PRKCZ: variants seen among roughly 807,000 people sequenced by gnomAD.
PRKCZ encodes protein kinase C zeta.
Under a neutral mutation model 79.5 loss-of-function variants are expected in PRKCZ, and 33 were observed. The observed-to-expected ratio is 0.41, with a 90% CI of 0.31 to 0.55. The LOEUF (loss-of-function observed/expected upper bound fraction) is 0.55. Among genes scored for constraint, PRKCZ ranks in the 20% least tolerant of loss-of-function variants. The pLI, the probability that PRKCZ is intolerant of heterozygous loss-of-function variation, is 0.19. For synonymous variants in PRKCZ, 342 were observed against 320.9 expected, an observed-to-expected ratio of 1.07 and a Z score of -0.70; for missense variants, 578 against 813.5, an observed-to-expected ratio of 0.71 and a Z score of 3.52.
At position 2,173,106 on chromosome 1, in the gene PRKCZ, C is replaced by T. The variant is rs1312055415; in HGVS notation, c.1285+718C>T. Among the ~76,000 whole-genome samples the T allele has an allele frequency of 1.3e-5, 2 of 152,200 alleles. No individual in the cohort carries two copies. Among genetic ancestry groups the T allele is most frequent in the Non-Finnish European group, 2.9e-5 (2 of 68,036 alleles). ...GTGTTTGTACACACTCCACCCACTT[C>T]TGCATCCTGGTGTTTTCAATGAGGC... On this transcript the variant is annotated intron_variant, in intron 13 of 17. Coordinates refer to ENST00000378567, the MANE Select transcript of PRKCZ (RefSeq NM_002744.6). This position sits in a 1 kb window ranked among gnomAD's most constrained non-coding sequence, Gnocchi z 5.7.
At chr1:2,175,022 T>C (rs902028713) in intron 15 of PRKCZ, among the ~76,000 whole-genome samples, 189 bp downstream of exon 15, 16 of 152,148 alleles carry the variant, frequency 1.1e-4, no homozygotes, top group Middle Eastern at 6.8e-3. Context: ...CCTAACAAAA[T>C]GAGAATGTGT....
chr1:2,115,971 T>A (rs1244202779), intron 4 of PRKCZ, among the ~76,000 whole-genome samples: 1 of 152,230 alleles, frequency 6.6e-6, no homozygotes, highest in Non-Finnish European at 1.5e-5. Context: ...GTCTCCTCTC[T>A]GGACCGTGGG....
At chr1:2,079,609 G>A (rs1663098935) in intron 4 of PRKCZ, among the ~76,000 whole-genome samples, 1 of 152,224 alleles carries the variant, frequency 6.6e-6, no homozygotes, top group African/African-American at 2.4e-5. Flanking sequence ...GGCTATCATG[G>A]GATTAGCCAG....
Position 2,128,998 on chromosome 1 carries a change from C to T in PRKCZ, c.335-6264C>T, listed in dbSNP as rs1283555884. Among the ~76,000 whole-genome samples, 2 of 152,054 alleles carry T rather than the reference C, an allele frequency of 1.3e-5. No homozygotes were observed. The highest frequency in any genetic ancestry group is 2.9e-5 in the Non-Finnish European group (2 of 68,014). ...TCGCTTAGGTCAGAAATAGGCCCATCGCTTTCCAAGCAGAAACCCAAACAC... is the reference window on the plus strand; with the variant it reads ...TCGCTTAGGTCAGAAATAGGCCCATTGCTTTCCAAGCAGAAACCCAAACAC... On this transcript the variant is annotated intron_variant, in intron 4 of 17. Transcript: ENST00000378567. The surrounding 1 kb of genome is among the most constrained non-coding windows in gnomAD (Gnocchi z 6.5).
At chr1:2,152,211 C>G (rs1268614006) in intron 9 of PRKCZ, among the ~76,000 whole-genome samples, 2 of 152,086 alleles carry the variant, frequency 1.3e-5, no homozygotes, top group Non-Finnish European at 2.9e-5. Context: ...AAGTAAAATA[C>G]ACATGACATA....
In PRKCZ at chr1:2,053,834, C is replaced by G. The variant is rs541474090; in HGVS notation, c.72-1607C>G. 2.6e-5 allele frequency among the ~76,000 whole-genome samples: 4 copies of G among 152,298 alleles called. No homozygotes were observed. The East Asian group carries it at 7.7e-4, about 29-fold the overall frequency. On this transcript the variant is annotated intron_variant, in intron 1 of 17. Transcript: ENST00000378567. ...GACCCCAGGGTGATGGGTGTGTGAC[C>G]CCCCTCCATTCCTTACTTTCCTAAT...
chr1:2,085,425 G>A (rs1193592341), intron 4 of PRKCZ, among the ~76,000 whole-genome samples: 1 of 152,274 alleles, frequency 6.6e-6, no homozygotes, highest in Middle Eastern at 3.2e-3. Flanking sequence ...CAGATACCAG[G>A]CTTGACTTTA....
chr1:2,074,340 G>C, intron 4 of PRKCZ: 1 of 1,544,176 alleles, frequency 6.5e-7, no homozygotes, highest in Non-Finnish European at 8.7e-7. Flanking sequence ...CGGGGGGCTT[G>C]GGGAAATCGT....
Position 2,177,593 on chromosome 1 carries a change from C to G in PRKCZ, c.1575+2280C>G, listed in dbSNP as rs535603144. On this transcript the variant is annotated intron_variant, in intron 16 of 17. Coordinates refer to ENST00000378567, the MANE Select transcript of PRKCZ (RefSeq NM_002744.6). The surrounding 1 kb of genome is among the most constrained non-coding windows in gnomAD (Gnocchi z 6.4). Reference sequence around the variant, plus strand: ...ATCTGAGTGTGAGTCCAACCCTGCCCGAGCCGGAACTCAAGGAGACCATGA... The same window carrying G: ...ATCTGAGTGTGAGTCCAACCCTGCCGGAGCCGGAACTCAAGGAGACCATGA... Among the ~76,000 whole-genome samples, 86 of 152,304 alleles carry G rather than the reference C, an allele frequency of 5.6e-4. No individual in the cohort carries two copies. The highest frequency in any genetic ancestry group is 3.4e-3 in the Middle Eastern group (1 of 294).
intron 4 of PRKCZ, among the ~76,000 whole-genome samples, chr1:2,134,662 C>G (rs921893625): frequency 3.9e-5 from 6 of 152,152 alleles, no homozygotes; most frequent in African/African-American, 1.4e-4. Context: ...CTCTCCTGCC[C>G]TGAGATTTAT....
intron 5 of PRKCZ, chr1:2,143,121 G>A (rs536983032): frequency 1.4e-5 from 2 of 147,520 alleles, no homozygotes; most frequent in East Asian, 2.0e-4. Context: ...CTCCGCCTCC[G>A]GGGTTCACGC....
intron 4 of PRKCZ, among the ~76,000 whole-genome samples, chr1:2,077,548 T>C (rs1449767337): frequency 6.6e-6 from 1 of 152,232 alleles, no homozygotes; most frequent in Non-Finnish European, 1.5e-5. Flanking sequence ...CCTTGTTAAA[T>C]GGTTGTGTAT....
rs556990169 is a variant in PRKCZ, at chr1:2,178,645, C to G, written c.1575+3332C>G. Among the ~76,000 whole-genome samples, 3 of 152,156 alleles carry G rather than the reference C, an allele frequency of 2.0e-5. No individual in the cohort carries two copies. Among genetic ancestry groups the G allele is most frequent in the African/African-American group, 7.2e-5 (3 of 41,458 alleles). ...TAGCCTTTCAGGGGGGCCACCTGTT[C>G]CTGCAGCGGCTGCTTTCTGGTCCCT... is the stretch of plus-strand genomic sequence containing the variant. On this transcript the variant is annotated intron_variant, in intron 16 of 17. Coordinates refer to ENST00000378567, the MANE Select transcript of PRKCZ (RefSeq NM_002744.6). This position sits in a 1 kb window ranked among gnomAD's most constrained non-coding sequence, Gnocchi z 4.3.
rs1027616836 is a variant in PRKCZ at position 2,135,058 on chromosome 1, C to T, written c.335-204C>T. On this transcript the variant is annotated intron_variant, in intron 4 of 17. Transcript: ENST00000378567. Reference sequence around the variant, plus strand: ...CCACACCTGGGCCTCTGTCTCCAGCCGCCGAGGCCGTGACACCATGAGGAT... The same window carrying T: ...CCACACCTGGGCCTCTGTCTCCAGCTGCCGAGGCCGTGACACCATGAGGAT... The T allele has an allele frequency of 1.1e-4, 53 of 484,066 alleles. No homozygotes were observed. In the Admixed American group the frequency reaches 1.5e-3, roughly 14 times the overall value. 30.0% of individuals were successfully genotyped at this position (484,066 alleles called of 1,614,324 possible).
intron 4 of PRKCZ, among the ~76,000 whole-genome samples, chr1:2,064,669 A>G (rs1487975452): frequency 6.6e-6 from 1 of 152,164 alleles, no homozygotes; most frequent in Non-Finnish European, 1.5e-5. Flanking sequence ...GTTTCACCAT[A>G]TATGGGAGGG....
intron 9 of PRKCZ, 26 bp downstream of exon 9, chr1:2,151,004 G>T: frequency 6.2e-7 from 1 of 1,608,812 alleles, no homozygotes; most frequent in Non-Finnish European, 8.5e-7. Context: ...CATGGGGCCC[G>T]GGGGCCCGGG....
intron 4 of PRKCZ, among the ~76,000 whole-genome samples, chr1:2,106,650 G>A (rs1668540355): frequency 4.5e-5 from 5 of 110,480 alleles, no homozygotes; most frequent in African/African-American, 2.0e-4. Flanking sequence ...TCTGGTGGGC[G>A]AGGACCTCCA....
chr1:2,139,514 G>A lies in PRKCZ; in HGVS notation c.420+4167G>A, dbSNP rs374890360. ...CTGAGGCAGAGAATTGCTTGAACCC[G>A]GGAGGCAGAGGTTGTAGTGAGCCGA... On this transcript the variant is annotated intron_variant, in intron 5 of 17. Coordinates refer to ENST00000378567, the MANE Select transcript of PRKCZ (RefSeq NM_002744.6). Among the ~76,000 whole-genome samples, 37 of 152,250 alleles carry A rather than the reference G, an allele frequency of 2.4e-4. No individual in the cohort carries two copies. In the South Asian group the frequency reaches 7.1e-3, roughly 29 times the overall value.
At chr1:2,171,397 G>A (rs1291274608) in intron 11 of PRKCZ, among the ~76,000 whole-genome samples, 2 of 140,358 alleles carry the variant, frequency 1.4e-5, no homozygotes, top group Non-Finnish European at 3.1e-5. Flanking sequence ...ATGGAGTCTC[G>A]CTCTGTCACC....
Sources: allele counts gnomAD v4.1 joint callset (sites outside exome capture counted in the v4.1 genomes callset), GRCh38; gene constraint gnomAD v4.1.1; non-coding constraint Gnocchi (gnomAD v3.1); transcripts MANE v1.5; gene names NCBI Gene and HGNC (gene_info 2026-07-23, HGNC 2026-07-21).